Variants in TENM2 observed in about 807,000 individuals in gnomAD.
TENM2 encodes teneurin-2.
In TENM2, 52 loss-of-function variants were observed where a neutral mutation model predicts 245.2. The ratio of observed to expected loss-of-function variants is 0.21; its 90% CI spans 0.17 to 0.27. TENM2 has a LOEUF of 0.27. Among genes scored for constraint, TENM2 ranks in the 10% least tolerant of loss-of-function variants. TENM2 has a pLI of 1.00. For missense variants in TENM2, 3,046 were observed against 3,666.8 expected, an observed-to-expected ratio of 0.83 and a Z score of 4.37; for synonymous variants, 1,363 against 1,438.9, an observed-to-expected ratio of 0.95 and a Z score of 1.19.
chr5:167,911,225 A>G (rs548893286), intron 3 of TENM2, among the ~76,000 whole-genome samples: 1 of 152,278 alleles, frequency 6.6e-6, no homozygotes, highest in Non-Finnish European at 1.5e-5. Flanking sequence ...TAGAGTGGTT[A>G]GTGAGGTGAG....
intron 25 of TENM2, among the ~76,000 whole-genome samples, chr5:168,238,265 A>G (rs1306438895): frequency 2.0e-5 from 3 of 149,446 alleles, no homozygotes; most frequent in Non-Finnish European, 4.4e-5. Context: ...AAAAGAAAAG[A>G]AAAGAAAAGA....
chr5:167,770,916 C>CT (rs980908728), intron 2 of TENM2, among the ~76,000 whole-genome samples: 16 of 152,046 alleles, frequency 1.1e-4, no homozygotes, highest in African/African-American at 3.6e-4. Flanking sequence ...GATAGTACAG[C>CT]TTTCTTGGCA....
chr5:167,916,542 A>G (rs1328740488), intron 3 of TENM2, among the ~76,000 whole-genome samples: 1 of 151,898 alleles, frequency 6.6e-6, no homozygotes, highest in African/African-American at 2.4e-5. Flanking sequence ...TGTGTGTTAT[A>G]CTCTTAGCAA....
At chr5:168,084,520 C>T (rs1440591446) in intron 7 of TENM2, among the ~76,000 whole-genome samples, 1 of 152,116 alleles carries the variant, frequency 6.6e-6, no homozygotes, top group Non-Finnish European at 1.5e-5. Context: ...GTTGGGTAGT[C>T]AGGGAAGCCC....
intron 27 of TENM2, among the ~76,000 whole-genome samples, chr5:168,253,570 C>T (rs1338949676): frequency 7.2e-5 from 11 of 151,838 alleles, no homozygotes; most frequent in Admixed American, 1.3e-4. Context: ...GAACTACAGG[C>T]GCCCGCCACC....
At chr5:167,785,184 G>C (rs779200590) in intron 2 of TENM2, among the ~76,000 whole-genome samples, 1 of 151,998 alleles carries the variant, frequency 6.6e-6, no homozygotes, top group Non-Finnish European at 1.5e-5. Flanking sequence ...TCTCTCATTC[G>C]CCTATCCTGT....
chr5:167,017,580 G>A, the TENM2 span, among the ~76,000 whole-genome samples: 2 of 152,150 alleles, frequency 1.3e-5, no homozygotes, highest in African/African-American at 4.8e-5. Flanking sequence ...CTGAGCTAGA[G>A]GATAACTACA....
chr5:168,217,596 C>T (rs878897016), intron 22 of TENM2, among the ~76,000 whole-genome samples: 3 of 152,204 alleles, frequency 2.0e-5, no homozygotes, highest in African/African-American at 4.8e-5. Flanking sequence ...CGTTCGGTTC[C>T]GTTTATTTTT....
chr5:167,814,291 C>T (rs1001574508), intron 2 of TENM2, among the ~76,000 whole-genome samples: 7 of 151,932 alleles, frequency 4.6e-5, no homozygotes, highest in African/African-American at 1.7e-4. Context: ...AAGCATCAGT[C>T]CCCAGGATGA....
the TENM2 span, among the ~76,000 whole-genome samples, chr5:167,057,595 G>A: frequency 6.6e-6 from 1 of 152,152 alleles, no homozygotes; most frequent in Admixed American, 6.6e-5. Context: ...ATGGCTGGAA[G>A]GGGCTAAAGT....
At chr5:167,478,616 G>C (rs1767552669) in intron 2 of TENM2, among the ~76,000 whole-genome samples, 1 of 152,104 alleles carries the variant, frequency 6.6e-6, no homozygotes, top group South Asian at 2.1e-4. Context: ...ACTCTATATT[G>C]GACTTATTTT....
At chr5:167,308,379 T>C (rs1188000667) in intron 1 of TENM2, among the ~76,000 whole-genome samples, 1 of 152,198 alleles carries the variant, frequency 6.6e-6, no homozygotes, top group Non-Finnish European at 1.5e-5. Context: ...AGGGGTGAAG[T>C]TCATTGATGA....
intron 12 of TENM2, among the ~76,000 whole-genome samples, chr5:168,132,519 C>T (rs1262786726): frequency 6.6e-6 from 1 of 152,150 alleles, no homozygotes; most frequent in African/African-American, 2.4e-5. Context: ...TGCGCTGTTC[C>T]CTTACTGTTT....
chr5:167,090,242 A>C, the TENM2 span, among the ~76,000 whole-genome samples: 1 of 102,626 alleles, frequency 9.7e-6, no homozygotes, highest in African/African-American at 6.7e-5. Context: ...CAGAATTCTT[A>C]AAAAAAAAAG....
chr5:168,079,115 GT>G (rs1489851066), intron 7 of TENM2, among the ~76,000 whole-genome samples: 1 of 152,140 alleles, frequency 6.6e-6, no homozygotes, highest in Non-Finnish European at 1.5e-5. Flanking sequence ...TTGAGCAGTG[GT>G]TTGTAGTTCT....
chr5:167,706,631 C>T (rs909520133), intron 2 of TENM2, among the ~76,000 whole-genome samples: 1 of 152,032 alleles, frequency 6.6e-6, no homozygotes, highest in Admixed American at 6.6e-5. Flanking sequence ...ATTGCTGAAT[C>T]ATATGGTAAT....
At chr5:167,079,354 C>A in the TENM2 span, among the ~76,000 whole-genome samples, 10 of 149,264 alleles carry the variant, frequency 6.7e-5, no homozygotes, top group Admixed American at 2.0e-4. Flanking sequence ...GCTCTTGTTG[C>A]CCAGGCTGGA....
At chr5:167,283,267 T>C (rs1581659554), upstream of TENM2, among the ~76,000 whole-genome samples, 2 of 152,162 alleles carry the variant, frequency 1.3e-5, no homozygotes, top group East Asian at 3.9e-4. Context: ...CAACCTGGTC[T>C]TGAACTCCTA....
chr5:167,533,745 C>G (rs1348500019), intron 2 of TENM2, among the ~76,000 whole-genome samples: 3 of 152,064 alleles, frequency 2.0e-5, no homozygotes, highest in Non-Finnish European at 4.4e-5. Flanking sequence ...CAGGAGTGAG[C>G]CATCATGCCT....
Sources: allele counts gnomAD v4.1 joint callset (sites outside exome capture counted in the v4.1 genomes callset), GRCh38; gene constraint gnomAD v4.1.1; transcripts MANE v1.5; gene names NCBI Gene and HGNC (gene_info 2026-07-23, HGNC 2026-07-21).